The following MYH9 variants were observed in gnomAD, a reference collection of about 807,000 sequenced individuals.
MYH9 encodes myosin-9.
In MYH9, 29 loss-of-function variants were observed where a neutral mutation model predicts 241.9. That is an observed-to-expected ratio of 0.12 (90% CI 0.09 to 0.16). The LOEUF is 0.16. Among genes scored for constraint, MYH9 ranks in the 10% least tolerant of loss-of-function variants. The pLI, the probability that MYH9 is intolerant of heterozygous loss-of-function variation, is 1.00. For missense variants in MYH9, 1,803 were observed against 2,595.5 expected (o/e 0.69, Z 6.63); for synonymous variants, 1,047 against 1,062.6 (o/e 0.99, Z 0.29).
intron 38 of MYH9, among the ~76,000 whole-genome samples, chr22:36,284,914 AG>A (rs2016553794): frequency 5.9e-5 from 9 of 152,166 alleles, no homozygotes; most frequent in Admixed American, 3.3e-4. Context: ...CTGGCTTTAG[AG>A]GTGGAACAGA....
At chr22:36,379,804 C>G (rs1205001482) in intron 1 of MYH9, among the ~76,000 whole-genome samples, 1 of 152,238 alleles carries the variant, frequency 6.6e-6, no homozygotes, top group Non-Finnish European at 1.5e-5. Flanking sequence ...CACTGAGGGA[C>G]TCCCAGCTGC....
At chr22:36,362,243 G>A (rs988152647) in intron 1 of MYH9, among the ~76,000 whole-genome samples, 1 of 152,158 alleles carries the variant, frequency 6.6e-6, no homozygotes, top group Non-Finnish European at 1.5e-5. Flanking sequence ...AGAGGGACAA[G>A]TGCAGCCATA....
At chr22:36,387,069 C>A (rs1013947314) in intron 1 of MYH9, among the ~76,000 whole-genome samples, 32 of 152,212 alleles carry the variant, frequency 2.1e-4, no homozygotes, top group Non-Finnish European at 4.0e-4. Context: ...GATCAGAAGT[C>A]GGAGGTCGAG....
rs759060705 is a variant in MYH9, at chr22:36,293,194, G to A, written c.4095+135C>T. The A allele has an allele frequency of 1.5e-4, 161 of 1,074,638 alleles. No individual in the cohort carries two copies. The highest frequency in any genetic ancestry group is 5.9e-4 in the Middle Eastern group (2 of 3,396). The allele number at this position is 1,074,638 out of a possible 1,614,324, so 66.6% of individuals were successfully genotyped here. ...TCCTTGAGAGCACTGATGTGGGAGA[G>A]CACGGTTGGCTTCCCAGGGGGAGAG... is the stretch of plus-strand genomic sequence containing the variant. On this transcript the variant is annotated intron_variant, in intron 30 of 40. Coordinates refer to ENST00000216181, the MANE Select transcript of MYH9 (RefSeq NM_002473.6). This position sits in a 1 kb window ranked among gnomAD's most constrained non-coding sequence, Gnocchi z 5.1.
At chr22:36,297,845 A>AC (rs1339973708) in intron 24 of MYH9, among the ~76,000 whole-genome samples, 1 of 152,138 alleles carries the variant, frequency 6.6e-6, no homozygotes, top group Admixed American at 6.5e-5. Context: ...CTAAGTTTCA[A>AC]CCTCACTAGG....
Position 36,292,175 on chromosome 22 carries a change from C to T in MYH9, c.4155G>A (p.Glu1385=). The change falls in exon 31 of 41, where the codon GAG becomes GAA. Residue 1385 remains glutamate (E), a synonymous_variant. Transcript: ENST00000216181. ...GGTCCTTCTGGAGCTTCCTCTTCAC[C>T]TCCTCAGCAGTTTCCAGGCACCCCA... ...DSVGCLETAE[E]VKRKLQKDLE... is the part of the protein sequence containing the mutation. 1.2e-6 allele frequency: 2 copies of T among 1,614,180 alleles called. No homozygotes were observed. The highest frequency in any genetic ancestry group is 2.2e-5 in the East Asian group (1 of 44,884).
At chr22:36,338,417 G>A (rs1316493140) in intron 3 of MYH9, among the ~76,000 whole-genome samples, 1 of 152,228 alleles carries the variant, frequency 6.6e-6, no homozygotes, top group African/African-American at 2.4e-5. Flanking sequence ...CTGAGGGTTA[G>A]AAAACACATG....
rs1344393747 is a variant in MYH9 at position 36,293,125 on chromosome 22, A to C, written c.4095+204T>G. Among the ~76,000 whole-genome samples, 5 of 152,254 alleles carry C rather than the reference A, an allele frequency of 3.3e-5. No individual in the cohort carries two copies. The highest frequency in any genetic ancestry group is 7.2e-5 in the African/African-American group (3 of 41,474). On this transcript the variant is annotated intron_variant, in intron 30 of 40. Coordinates refer to ENST00000216181, the MANE Select transcript of MYH9 (RefSeq NM_002473.6). This position sits in a 1 kb window ranked among gnomAD's most constrained non-coding sequence, Gnocchi z 5.1. ...AAAATAAAGGTGTAAAATAGTGAAA[A>C]TAGTGGTGTCCCCCATCTAAGTCCA...
chr22:36,322,395 G>C (rs2017268077), intron 6 of MYH9, 34 bp downstream of exon 6: 2 of 1,607,216 alleles, frequency 1.2e-6, no homozygotes, highest in Non-Finnish European at 1.7e-6. Context: ...AAGGCCCTCT[G>C]TCCCCAGAGC....
chr22:36,319,279 G>A (rs1451035413), intron 10 of MYH9, among the ~76,000 whole-genome samples: 1 of 152,160 alleles, frequency 6.6e-6, no homozygotes, highest in Admixed American at 6.5e-5. Flanking sequence ...TTGGTGTCCT[G>A]ACGAATGGTT....
Position 36,293,672 on chromosome 22 carries a change from A to G in MYH9, c.3942+87T>C. 1 of 1,369,662 alleles carries G rather than the reference A, an allele frequency of 7.3e-7. No homozygotes were observed. The highest frequency in any genetic ancestry group is 1.0e-6 in the Non-Finnish European group (1 of 974,094). 84.8% of individuals were successfully genotyped at this position (1,369,662 alleles called of 1,614,324 possible). ...AAGCAGATGAAGGAGAGGATGGGCA[A>G]TCCGATGGGCTCTGAAGCTAATGTT... On this transcript the variant is annotated intron_variant, in intron 29 of 40. Coordinates refer to ENST00000216181, the MANE Select transcript of MYH9 (RefSeq NM_002473.6). This position sits in a 1 kb window ranked among gnomAD's most constrained non-coding sequence, Gnocchi z 5.1.
At chr22:36,298,751 C>T (rs896087756) in intron 24 of MYH9, among the ~76,000 whole-genome samples, 168 bp downstream of exon 24, 2 of 152,188 alleles carry the variant, frequency 1.3e-5, no homozygotes, top group East Asian at 1.9e-4. Context: ...CGGCTCCCCT[C>T]GACCTGGTGA....
intron 1 of MYH9, among the ~76,000 whole-genome samples, chr22:36,384,254 G>A (rs939167566): frequency 2.0e-5 from 3 of 151,442 alleles, no homozygotes; most frequent in Non-Finnish European, 4.4e-5. Context: ...CTGGGCGAGA[G>A]TGAGACTCAT....
intron 1 of MYH9, among the ~76,000 whole-genome samples, chr22:36,375,955 CTTT>C (rs751350180): frequency 9.1e-4 from 81 of 89,100 alleles, no homozygotes; most frequent in African/African-American, 3.2e-3. Flanking sequence ...TCAATAATTT[CTTT>C]TTTTTTTTTT....
In MYH9 at chr22:36,305,163, A is replaced by G. The variant is rs1487317011; in HGVS notation, c.2160-61T>C. On this transcript the variant is annotated intron_variant, in intron 17 of 40. Transcript: ENST00000216181. This position sits in a 1 kb window ranked among gnomAD's most constrained non-coding sequence, Gnocchi z 4.7. ...ATTGCCTCGATTCCACATGCCTGGA[A>G]TATAGGCGAGAGATTAACATCATTT... is the stretch of plus-strand genomic sequence containing the variant. The G allele has an allele frequency of 1.2e-5, 16 of 1,364,558 alleles. No individual in the cohort carries two copies. Among genetic ancestry groups the G allele is most frequent in the African/African-American group, 1.4e-5 (1 of 69,786 alleles). The allele number at this position is 1,364,558 out of a possible 1,614,324, so 84.5% of individuals were successfully genotyped here. A position where few individuals can be genotyped will look rare whatever the true frequency, so the allele number is the denominator to read the frequency against.
intron 31 of MYH9, among the ~76,000 whole-genome samples, chr22:36,290,338 CAAAA>C (rs530199922): frequency 3.7e-5 from 2 of 53,724 alleles, no homozygotes; most frequent in South Asian, 1.5e-3. Flanking sequence ...AGACAGTCTC[CAAAA>C]AAAAAAAAAA....
intron 5 of MYH9, 87 bp from the exon 6 acceptor site, chr22:36,322,608 G>T: frequency 7.6e-7 from 1 of 1,322,024 alleles, no homozygotes; most frequent in Non-Finnish European, 1.1e-6. Flanking sequence ...CGATGGCAGA[G>T]CCGTGTCAGC....
intron 1 of MYH9, among the ~76,000 whole-genome samples, chr22:36,353,101 G>A (rs548003734): frequency 2.1e-5 from 2 of 94,250 alleles, no homozygotes; most frequent in East Asian, 1.8e-3. Flanking sequence ...GCCTCTGGGG[G>A]CGTGTGTGTG....
intron 12 of MYH9, among the ~76,000 whole-genome samples, chr22:36,314,682 T>G (rs2146357323): frequency 6.6e-6 from 1 of 152,268 alleles, no homozygotes; most frequent in Non-Finnish European, 1.5e-5. Context: ...AGAGTCTCAT[T>G]CTGTCACCCA....
Sources: allele counts gnomAD v4.1 joint callset (sites outside exome capture counted in the v4.1 genomes callset), GRCh38; gene constraint gnomAD v4.1.1; non-coding constraint Gnocchi (gnomAD v3.1); transcripts MANE v1.5; gene names NCBI Gene and HGNC (gene_info 2026-07-23, HGNC 2026-07-21).